TTC6: variants seen among roughly 807,000 people sequenced by gnomAD.
TTC6 encodes tetratricopeptide repeat domain 6.
A neutral mutation model predicts 210.4 loss-of-function variants in TTC6; 172 were observed. The ratio of observed to expected loss-of-function variants is 0.82; its 90% CI spans 0.72 to 0.93. TTC6 has a LOEUF of 0.93. TTC6 is among the 40% of genes least tolerant of loss of function. TTC6 has a pLI of 0.00. For missense variants in TTC6, 2,414 were observed against 2,318.1 expected, an observed-to-expected ratio of 1.04 and a Z score of -0.85; for synonymous variants, 804 against 819.6, an observed-to-expected ratio of 0.98 and a Z score of 0.32.
chr14:37,816,052 CAAA>C (rs71127247), intron 25 of TTC6, among the ~76,000 whole-genome samples: 13,056 of 142,184 alleles, frequency 0.092, 669 homozygotes, highest in Middle Eastern at 0.14. Context: ...TTAATTTTAG[CAAA>C]AAAAAAAAAA....
chr14:37,670,502 C>T (rs987676839), intron 1 of TTC6, among the ~76,000 whole-genome samples: 2 of 95,298 alleles, frequency 2.1e-5, no homozygotes, highest in African/African-American at 6.2e-5. Flanking sequence ...TTTTAGTCTC[C>T]CTCTGTTGTC....
At chr14:37,778,169 T>A (rs2096043764) in intron 14 of TTC6, among the ~76,000 whole-genome samples, 1 of 151,874 alleles carries the variant, frequency 6.6e-6, no homozygotes, top group Admixed American at 6.6e-5. Flanking sequence ...GGCATAGGGA[T>A]GTCAGCCTCT....
chr14:37,822,273 T>C (rs1270900198), intron 26 of TTC6, among the ~76,000 whole-genome samples: 6 of 152,158 alleles, frequency 3.9e-5, no homozygotes, highest in Admixed American at 3.9e-4. Flanking sequence ...AAAAAGTAAG[T>C]TGACTTAAAA....
chr14:37,736,947 G>C (rs1404433584), intron 8 of TTC6, among the ~76,000 whole-genome samples: 11 of 151,924 alleles, frequency 7.2e-5, no homozygotes, highest in Admixed American at 7.2e-4. Context: ...TTTAGAAATG[G>C]GGTCTCACTA....
chr14:37,752,921 A>T (rs556866882), intron 13 of TTC6, among the ~76,000 whole-genome samples, 178 bp from the exon 16 acceptor site: 7 of 152,132 alleles, frequency 4.6e-5, no homozygotes, highest in African/African-American at 1.7e-4. Flanking sequence ...GAATTTGATG[A>T]TGGAAAAAAT....
At chr14:37,644,186 A>G (rs946250050) in intron 1 of TTC6, among the ~76,000 whole-genome samples, 4 of 152,218 alleles carry the variant, frequency 2.6e-5, no homozygotes, top group African/African-American at 9.6e-5. Context: ...ATGGGTCCAG[A>G]TAATCAGAAA....
intron 10 of TTC6, among the ~76,000 whole-genome samples, chr14:37,743,669 A>G (rs924022736): frequency 4.3e-4 from 65 of 152,184 alleles, no homozygotes; most frequent in African/African-American, 1.5e-3. Flanking sequence ...GAATAATGAG[A>G]AGGGATTTGT....
intron 7 of TTC6, among the ~76,000 whole-genome samples, chr14:37,734,589 A>G (rs936040694): frequency 1.1e-4 from 17 of 152,138 alleles, no homozygotes; most frequent in African/African-American, 4.1e-4. Context: ...AATGTTACCT[A>G]ATTAGAAGCA....
At chr14:37,693,206 C>T (rs1201415170) in intron 3 of TTC6, among the ~76,000 whole-genome samples, 1 of 152,036 alleles carries the variant, frequency 6.6e-6, no homozygotes, top group African/African-American at 2.4e-5. Context: ...AGTTGCAGGA[C>T]AAAAAGTTGA....
chr14:37,659,592 A>G (rs903313136), intron 1 of TTC6, among the ~76,000 whole-genome samples: 1 of 152,038 alleles, frequency 6.6e-6, no homozygotes, highest in Non-Finnish European at 1.5e-5. Flanking sequence ...CAATGGCACA[A>G]TCTTGGCTCA....
intron 1 of TTC6, among the ~76,000 whole-genome samples, chr14:37,652,460 A>C (rs2095714811): frequency 6.6e-6 from 1 of 152,210 alleles, no homozygotes; most frequent in African/African-American, 2.4e-5. Context: ...TGCAAGAAGA[A>C]ATAGATTTAA....
chr14:37,600,523 C>T (rs1215567980), intron 1 of TTC6, among the ~76,000 whole-genome samples: 2 of 152,144 alleles, frequency 1.3e-5, no homozygotes, highest in Non-Finnish European at 1.5e-5. Flanking sequence ...AGCTTTCCCA[C>T]GGTCTTTCAG....
intron 1 of TTC6, among the ~76,000 whole-genome samples, chr14:37,648,335 G>A (rs1172689813): frequency 6.6e-6 from 1 of 152,162 alleles, no homozygotes; most frequent in Non-Finnish European, 1.5e-5. Context: ...TCATGAATAA[G>A]TGTTGAAATT....
chr14:37,622,297 C>T (rs541769436), exon 1 of TTC6: 1 of 1,534,892 alleles, frequency 6.5e-7, no homozygotes, highest in South Asian at 1.2e-5. Flanking sequence ...AGATACCCTT[C>T]GCTTAAAGGC....
At chr14:37,690,662 A>G (rs946143238) in intron 3 of TTC6, among the ~76,000 whole-genome samples, 1 of 152,160 alleles carries the variant, frequency 6.6e-6, no homozygotes, top group African/African-American at 2.4e-5. Context: ...TAAACAGGTC[A>G]ATTCAGCAAG....
intron 10 of TTC6, among the ~76,000 whole-genome samples, chr14:37,746,423 A>C (rs2095936156): frequency 6.6e-6 from 1 of 152,172 alleles, no homozygotes; most frequent in Non-Finnish European, 1.5e-5. Flanking sequence ...TCCATGCATG[A>C]GTGTTACCTG....
chr14:37,800,776 G>T (rs1292570176), intron 20 of TTC6, among the ~76,000 whole-genome samples: 1 of 152,158 alleles, frequency 6.6e-6, no homozygotes, highest in Non-Finnish European at 1.5e-5. Context: ...ATCCATGGAA[G>T]ATCTCCAAAG....
At chr14:37,784,122 A>C (rs1311147568) in intron 14 of TTC6, among the ~76,000 whole-genome samples, 1 of 152,146 alleles carries the variant, frequency 6.6e-6, no homozygotes, top group Non-Finnish European at 1.5e-5. Context: ...TTTGGGGTGG[A>C]GAGTTCTGTA....
chr14:37,739,072 G>T, exon 10 of TTC6: 1 of 1,533,614 alleles, frequency 6.5e-7, no homozygotes, highest in Non-Finnish European at 8.7e-7. Flanking sequence ...AGAAAAAGAA[G>T]ATGAGATGGA....
Sources: gnomAD v4.1 joint callset for allele counts (sites outside exome capture counted in the v4.1 genomes callset) on GRCh38, gnomAD v4.1.1 for gene constraint, MANE v1.5 for transcripts, NCBI Gene and HGNC (gene_info 2026-07-23, HGNC 2026-07-21) for gene names.